TACC2: variants seen among roughly 807,000 people sequenced by gnomAD.
The protein encoded by TACC2 is transforming acidic coiled-coil containing protein 2.
Under a neutral mutation model 227.3 loss-of-function variants are expected in TACC2, and 137 were observed. That is an observed-to-expected ratio of 0.60 (90% CI 0.52 to 0.69). The LOEUF (loss-of-function observed/expected upper bound fraction) is 0.69. TACC2 is among the 30% of genes least tolerant of loss of function. TACC2 has a pLI of 0.00. For missense variants in TACC2, 3,470 were observed against 3,694.4 expected, an observed-to-expected ratio of 0.94 and a Z score of 1.57; for synonymous variants, 1,523 against 1,487.5, an observed-to-expected ratio of 1.02 and a Z score of -0.55.
chr10:122,225,378 T>C (rs550030132), intron 12 of TACC2, among the ~76,000 whole-genome samples: 4 of 152,348 alleles, frequency 2.6e-5, no homozygotes, highest in African/African-American at 7.2e-5. Flanking sequence ...GCATTAGTCA[T>C]AGATGCCGGG....
At chr10:122,046,169 C>G (rs2074965392) in intron 2 of TACC2, among the ~76,000 whole-genome samples, 1 of 96,976 alleles carries the variant, frequency 1.0e-5, no homozygotes, top group African/African-American at 3.0e-5. Flanking sequence ...GAGCAAAACT[C>G]CATCTCAAAA....
At position 122,226,369 on chromosome 10, in the gene TACC2, G is replaced by A. The variant is rs552517660; in HGVS notation, c.7612G>A (p.Asp2538Asn). The A allele has an allele frequency of 3.5e-5, 57 of 1,613,318 alleles. 1 individual carries two copies. In the South Asian group the frequency reaches 6.2e-4, roughly 17 times the overall value. Residue 2538 changes from aspartate to asparagine, a missense_variant, in exon 13 of 23, where the codon GAC becomes AAC. By Grantham distance (23) the Asp-to-Asn change is conservative (BLOSUM62 1). Transcript: ENST00000369005. ...TATGTGATTTTGATCCCTGCAGCAG[G>A]ACGACGATGCCCCGAAGAAGCAGGC... ...MEKIGSSLPQ[D>N]DDAPKKQALY... is the part of the protein sequence containing the mutation.
chr10:122,243,224 G>C lies in TACC2; in HGVS notation c.8392+1223G>C, dbSNP rs139269619. ...CTCCCAAGGTGCTGGGATTGCAGGC[G>C]TGAGCCGCTGCACCTGGCCCGATAA... On this transcript the variant is annotated intron_variant, in intron 19 of 22. Transcript: ENST00000369005. Among the ~76,000 whole-genome samples the C allele has an allele frequency of 7.3e-3, 1,108 of 152,290 alleles. 19 individuals carry two copies. Among genetic ancestry groups the C allele is most frequent in the African/African-American group, 0.026 (1,060 of 41,552 alleles).
rs535873729 is a variant in TACC2 at position 122,203,920 on chromosome 10, C to G, written c.5972-6477C>G. 4.1e-3 allele frequency among the ~76,000 whole-genome samples: 631 copies of G among 152,108 alleles called. 2 individuals are homozygous for G. The highest frequency in any genetic ancestry group is 7.7e-3 in the Non-Finnish European group (522 of 67,998). Reference sequence around the variant, plus strand: ...TCTGCAATCCCGGCACCTCGGGAGGCCGAGGCTGGCGGATCACTCGCGGTT... The same window carrying G: ...TCTGCAATCCCGGCACCTCGGGAGGGCGAGGCTGGCGGATCACTCGCGGTT... On this transcript the variant is annotated intron_variant, in intron 8 of 22. Transcript: ENST00000369005.
chr10:122,148,196 C>T (rs1048729609), intron 7 of TACC2, among the ~76,000 whole-genome samples: 5 of 151,806 alleles, frequency 3.3e-5, no homozygotes, highest in South Asian at 4.2e-4. Context: ...TTCCGCCTCC[C>T]GGGTTTAAGC....
At position 122,224,785 on chromosome 10, in the gene TACC2, C is replaced by A. The variant is rs1317421107; in HGVS notation, c.7606C>A (p.Pro2536Thr). The A allele has an allele frequency of 6.2e-7, 1 of 1,613,850 alleles. No individual in the cohort carries two copies. The highest frequency in any genetic ancestry group is 8.5e-7 in the Non-Finnish European group (1 of 1,179,802). The change falls in exon 12 of 23, where the codon CCT becomes ACT. Residue 2536 changes from proline (P) to threonine (T), a missense_variant and splice_region_variant. Pro to Thr is a conservative substitution (Grantham distance 38). Coordinates refer to ENST00000369005, the MANE Select transcript of TACC2 (RefSeq NM_206862.4). ...TATGGAGAAAATTGGCTCCTCCTTA[C>A]CTGTAAGTTCGTCTGCCTCGGGCCA... ...EYMEKIGSSL[P>T]QDDDAPKKQA...
chr10:122,004,860 T>C lies in TACC2; in HGVS notation c.-46+15372T>C, dbSNP rs1262745220. Among the ~76,000 whole-genome samples the C allele has an allele frequency of 2.6e-5, 4 of 152,314 alleles. No homozygotes were observed. The South Asian group carries it at 6.2e-4, about 24-fold the overall frequency. On this transcript the variant is annotated intron_variant, in intron 1 of 22. Coordinates refer to ENST00000369005, the MANE Select transcript of TACC2 (RefSeq NM_206862.4). Reference sequence around the variant, plus strand: ...GAACATGTTGGGCACTTACAATTATTATTATTTTGTATTTTGTAATTTAAA... The same window carrying C: ...GAACATGTTGGGCACTTACAATTATCATTATTTTGTATTTTGTAATTTAAA...
chr10:122,085,042 CAGGCCCAGCCACCTGAAAATGGGAAAGAG>C lies in TACC2; in HGVS notation c.2544_2572del (p.Gln848HisfsTer9). ...ATCCATCTTTGACGTGCTCAAGGAGCAGGCCCAGCCACCTGAAAATGGGAAAGAGACTTCTCCAAGCCATCCAGGTTTTA... is the reference window on the plus strand; with the variant it reads ...ATCCATCTTTGACGTGCTCAAGGAGCACTTCTCCAAGCCATCCAGGTTTTA... On this transcript the variant is annotated frameshift_variant, in exon 4 of 23. Transcript: ENST00000369005. LOFTEE classifies it high-confidence loss of function. The C allele has an allele frequency of 6.2e-7, 1 of 1,614,222 alleles. No individual in the cohort carries two copies. Among genetic ancestry groups the C allele is most frequent in the Non-Finnish European group, 8.5e-7 (1 of 1,180,042 alleles).
intron 7 of TACC2, among the ~76,000 whole-genome samples, chr10:122,177,875 T>A (rs1029875114): frequency 1.3e-5 from 2 of 152,094 alleles, no homozygotes; most frequent in African/African-American, 2.4e-5. Flanking sequence ...AGGAGCAGCA[T>A]TTCATGCCTC....
At chr10:122,163,762 G>A in intron 7 of TACC2, 1 of 1,208,198 alleles carries the variant, frequency 8.3e-7, no homozygotes, top group Non-Finnish European at 1.0e-6. Context: ...GCGAGTCGCA[G>A]CTCCCTGCCG....
chr10:122,147,507 T>C (rs1021981391), intron 7 of TACC2, among the ~76,000 whole-genome samples: 6 of 152,116 alleles, frequency 3.9e-5, no homozygotes, highest in African/African-American at 1.2e-4. Flanking sequence ...TGTGTGCACA[T>C]TTAAGGGGTG....
intron 2 of TACC2, chr10:122,023,343 T>C (rs1297781787): frequency 6.6e-6 from 1 of 152,132 alleles, no homozygotes; most frequent in Non-Finnish European, 1.5e-5. Flanking sequence ...ACAATTTTCT[T>C]TTCTCAAGCA....
chr10:122,102,439 C>T (rs1201062049), intron 5 of TACC2, among the ~76,000 whole-genome samples: 5 of 152,308 alleles, frequency 3.3e-5, no homozygotes, highest in Middle Eastern at 3.4e-3. Flanking sequence ...CCCGTAACCG[C>T]GCCTCACTCC....
At chr10:122,014,824 G>C (rs1048314291) in intron 1 of TACC2, among the ~76,000 whole-genome samples, 1 of 152,140 alleles carries the variant, frequency 6.6e-6, no homozygotes, top group Non-Finnish European at 1.5e-5. Flanking sequence ...GCCCAAACCT[G>C]TACCTTCCAC....
intron 2 of TACC2, among the ~76,000 whole-genome samples, chr10:122,049,988 G>GT (rs1437309054): frequency 2.6e-5 from 4 of 152,142 alleles, no homozygotes; most frequent in Non-Finnish European, 5.9e-5. Context: ...CTTCCGGTTA[G>GT]TTTTTTTCCC....
intron 6 of TACC2, among the ~76,000 whole-genome samples, chr10:122,142,961 G>A (rs879856385): frequency 1.1e-4 from 16 of 152,260 alleles, no homozygotes; most frequent in Admixed American, 3.9e-4. Flanking sequence ...TGCTACCCCC[G>A]GAGGCCCCGC....
chr10:122,188,107 C>T (rs1015323893), intron 7 of TACC2, among the ~76,000 whole-genome samples: 1 of 152,006 alleles, frequency 6.6e-6, no homozygotes, highest in African/African-American at 2.4e-5. Flanking sequence ...CCTCTTCCAG[C>T]CAAGAGACCC....
intron 7 of TACC2, among the ~76,000 whole-genome samples, chr10:122,191,344 T>A (rs1414345235): frequency 6.6e-6 from 1 of 152,148 alleles, no homozygotes; most frequent in Non-Finnish European, 1.5e-5. Context: ...GCCCGACACA[T>A]AACAGTATAT....
At chr10:122,035,462 C>T (rs758987175) in intron 2 of TACC2, among the ~76,000 whole-genome samples, 5 of 152,152 alleles carry the variant, frequency 3.3e-5, no homozygotes, top group Admixed American at 2.0e-4. Context: ...TGCTCTAGCA[C>T]GTGAGAATCA....
Sources: allele counts gnomAD v4.1 joint callset (sites outside exome capture counted in the v4.1 genomes callset), GRCh38; gene constraint gnomAD v4.1.1; transcripts MANE v1.5; gene names NCBI Gene and HGNC (gene_info 2026-07-23, HGNC 2026-07-21).